PUDP: variants seen among roughly 807,000 people sequenced by gnomAD.
PUDP encodes pseudouridine-5'-phosphatase.
A neutral mutation model predicts 9.4 loss-of-function variants in PUDP; 8 were observed. The ratio of observed to expected loss-of-function variants is 0.85; its 90% CI spans 0.50 to 1.53. The LOEUF (loss-of-function observed/expected upper bound fraction) is 1.53. PUDP is among the 40% of genes most tolerant of loss of function. The probability of loss-of-function intolerance (pLI) is 0.00; values close to 1 mark genes in which losing one functional copy is unlikely to be tolerated. For missense variants in PUDP, 188 were observed against 189.7 expected (o/e 0.99, Z 0.05); for synonymous variants, 99 against 80.7 (o/e 1.23, Z -1.22).
chrX:6,969,211 C>T (rs949557946), intron 3 of PUDP, among the ~76,000 whole-genome samples: 1 of 112,271 alleles, frequency 8.9e-6, no homozygotes, highest in Non-Finnish European at 1.9e-5. Flanking sequence ...AACCTTGCTA[C>T]CCACATGAAC....
At chrX:6,958,313 G>A (rs1413922517) in intron 3 of PUDP, among the ~76,000 whole-genome samples, 1 of 111,937 alleles carries the variant, frequency 8.9e-6, no homozygotes, top group African/African-American at 3.2e-5. Flanking sequence ...AGAGGAGCAG[G>A]CTATGACCTA....
intron 3 of PUDP, among the ~76,000 whole-genome samples, chrX:6,931,547 G>A (rs1321937736): frequency 8.9e-6 from 1 of 111,876 alleles, no homozygotes; most frequent in Non-Finnish European, 1.9e-5. Flanking sequence ...TACTCCATAG[G>A]AGGGAAGTGT....
chrX:6,947,308 C>T (rs762248761), intron 3 of PUDP, among the ~76,000 whole-genome samples: 2 of 110,857 alleles, frequency 1.8e-5, no homozygotes, highest in African/African-American at 3.3e-5. Flanking sequence ...TCACTGCACC[C>T]GGCTGAAAGT....
intron 3 of PUDP, among the ~76,000 whole-genome samples, chrX:6,811,954 G>A (rs960288883): frequency 8.9e-6 from 1 of 112,459 alleles, no homozygotes; most frequent in Non-Finnish European, 1.9e-5. Flanking sequence ...AGGAAAAGAG[G>A]TCATTCAGAG....
At chrX:6,918,067 A>G (rs1159359846) in intron 3 of PUDP, among the ~76,000 whole-genome samples, 2 of 112,112 alleles carry the variant, frequency 1.8e-5, no homozygotes, top group South Asian at 3.7e-4. Context: ...CCTTGCCTCC[A>G]TAACATTTCC....
intron 1 of PUDP, among the ~76,000 whole-genome samples, chrX:7,146,396 T>C (rs1205607630): frequency 8.9e-6 from 1 of 111,957 alleles, no homozygotes; most frequent in Non-Finnish European, 1.9e-5. Context: ...ACAGGTTCTC[T>C]GGACCTTTAT....
At position 7,059,785 on chromosome X, in the gene PUDP, T is replaced by C. The variant is rs768866245; in HGVS notation, c.511-9313A>G. Reference sequence around the variant, plus strand: ...AAGCACAGCGATGTTTGCCTGCTTTTGAGAGAAGCTACAGAGGGGGCTTCC... The same window carrying C: ...AAGCACAGCGATGTTTGCCTGCTTTCGAGAGAAGCTACAGAGGGGGCTTCC... On this transcript the variant is annotated intron_variant, in intron 3 of 3. Transcript: ENST00000381077. 3.6e-5 allele frequency among the ~76,000 whole-genome samples: 4 copies of C among 112,320 alleles called. No individual in the cohort carries two copies. In the South Asian group the frequency reaches 1.1e-3, roughly 31 times the overall value.
chrX:7,055,166 T>C (rs1368928050), intron 3 of PUDP, among the ~76,000 whole-genome samples: 1 of 111,579 alleles, frequency 9.0e-6, no homozygotes, highest in Admixed American at 9.5e-5. Flanking sequence ...TTTTTTCCCC[T>C]AGAAACAGTA....
At chrX:6,759,441 T>C (rs1490624963) in intron 3 of PUDP, among the ~76,000 whole-genome samples, 1 of 111,936 alleles carries the variant, frequency 8.9e-6, no homozygotes, top group East Asian at 2.8e-4. Flanking sequence ...GCAGGGTTTT[T>C]CAACTTCAAC....
rs756565812 is a variant in PUDP, at chrX:6,866,063, G to A, written c.*247+111070C>T. On this transcript the variant is annotated intron_variant and NMD_transcript_variant, in intron 3 of 3. Coordinates refer to the PUDP transcript ENST00000655425. ...AGCTTCCTGAGTAGCTGTGATTACA[G>A]GCACGTGCCACCATGCAGGACTATT... Among the ~76,000 whole-genome samples, 4 of 110,681 alleles carry A rather than the reference G, an allele frequency of 3.6e-5. No individual in the cohort carries two copies. In the East Asian group the frequency reaches 1.1e-3, roughly 31 times the overall value.
intron 3 of PUDP, among the ~76,000 whole-genome samples, chrX:6,815,089 T>C (rs139199681): frequency 0.02 from 2,196 of 109,728 alleles, 56 homozygotes; most frequent in African/African-American, 0.071. Flanking sequence ...TGGACAGACA[T>C]TTCTTCTCTC....
intron 3 of PUDP, among the ~76,000 whole-genome samples, chrX:6,775,504 T>TACACACACACACAC (rs1555909727): frequency 2.0e-5 from 2 of 100,804 alleles, no homozygotes; most frequent in East Asian, 6.1e-4. Flanking sequence ...TACACACACA[T>TACACACACACACAC]ACACACACAC....
chrX:6,967,443 G>C (rs1928804100), intron 3 of PUDP, among the ~76,000 whole-genome samples: 1 of 111,865 alleles, frequency 8.9e-6, no homozygotes, highest in Admixed American at 9.5e-5. Flanking sequence ...AGAGAATACA[G>C]CTCTGCCATC....
chrX:6,965,926 G>A (rs968551203), intron 3 of PUDP, among the ~76,000 whole-genome samples: 5 of 111,555 alleles, frequency 4.5e-5, no homozygotes, highest in African/African-American at 1.3e-4. Flanking sequence ...TTATAGATCA[G>A]GAATATTGAA....
intron 3 of PUDP, among the ~76,000 whole-genome samples, chrX:6,964,931 A>G (rs1356602578): frequency 1.8e-5 from 2 of 111,922 alleles, no homozygotes; most frequent in Non-Finnish European, 3.8e-5. Context: ...CCAAGGAAAC[A>G]GTGATATCTA....
chrX:7,085,976 G>A (rs765839891), intron 2 of PUDP, among the ~76,000 whole-genome samples: 1 of 112,097 alleles, frequency 8.9e-6, no homozygotes, highest in Non-Finnish European at 1.9e-5. Context: ...CTGCAGACAA[G>A]CCTCTGTGGA....
At chrX:6,873,265 T>C (rs1486482321) in intron 3 of PUDP, among the ~76,000 whole-genome samples, 1 of 111,931 alleles carries the variant, frequency 8.9e-6, no homozygotes, top group East Asian at 2.8e-4. Flanking sequence ...ACTGGACAAA[T>C]AAAGGAGTAG....
At chrX:6,757,900 T>A (rs1419285450) in intron 3 of PUDP, among the ~76,000 whole-genome samples, 1 of 112,449 alleles carries the variant, frequency 8.9e-6, no homozygotes, top group African/African-American at 3.2e-5. Context: ...CAACTCAGTA[T>A]AATCACTTTC....
At chrX:6,887,250 A>C (rs1927443273) in intron 3 of PUDP, among the ~76,000 whole-genome samples, 1 of 107,051 alleles carries the variant, frequency 9.3e-6, no homozygotes, top group Non-Finnish European at 1.9e-5. Context: ...ATTATATATT[A>C]ATTATGATAT....
Sources: allele counts gnomAD v4.1 joint callset (sites outside exome capture counted in the v4.1 genomes callset), GRCh38; gene constraint gnomAD v4.1.1; transcripts MANE v1.5; gene names NCBI Gene and HGNC (gene_info 2026-07-23, HGNC 2026-07-21).